The following GSTM5 variants were observed in gnomAD, a reference collection of about 807,000 sequenced individuals.
The protein encoded by GSTM5 is GST class-mu 5.
GSTM5 carries 24 observed loss-of-function variants against 29.0 expected under a neutral mutation model. The observed-to-expected ratio is 0.83, with a 90% confidence interval of 0.60 to 1.16. The LOEUF (loss-of-function observed/expected upper bound fraction) is 1.16, where lower values mean the gene tolerates loss of function less well. Among genes scored for constraint, GSTM5 ranks in the 50% most tolerant of loss-of-function variants. The probability of loss-of-function intolerance (pLI) is 0.00; values close to 1 mark genes in which losing one functional copy is unlikely to be tolerated. For synonymous variants in GSTM5, 91 were observed against 93.6 expected (o/e 0.97, Z 0.16); for missense variants, 290 against 263.0 (o/e 1.10, Z -0.71).
chr1:109,715,392 C>T (rs543616079), intron 7 of GSTM5, 152 bp downstream of exon 7: 51 of 1,566,622 alleles, frequency 3.3e-5, no homozygotes, highest in South Asian at 5.8e-5. Flanking sequence ...TTATACCTAT[C>T]GTGTAGAATT....
chr1:109,713,821 AG>A, intron 5 of GSTM5, 60 bp downstream of exon 5: 1 of 1,447,838 alleles, frequency 6.9e-7, no homozygotes, highest in Non-Finnish European at 9.6e-7. Flanking sequence ...CAGACCAGGG[AG>A]GGACTTCCAA....
Position 109,712,628 on chromosome 1 carries a change from C to T in GSTM5, c.47C>T (p.Ala16Val). ...GYWDIRGLAHAIRLLLEYTDS... is the reference protein window; with the variant it reads ...GYWDIRGLAHVIRLLLEYTDS... ...GGCCATCTCTCCCAGCTGGCCCACG[C>T]CATCCGCTTGCTCCTGGAATACACA... Residue 16 changes from alanine (A) to valine (V), a missense_variant, in exon 2 of 8, where the codon GCC becomes GTC. Ala to Val is a moderately conservative substitution (Grantham distance 64). Coordinates refer to ENST00000256593, the MANE Select transcript of GSTM5 (RefSeq NM_000851.4). The T allele has an allele frequency of 6.2e-7, 1 of 1,614,150 alleles. No homozygotes were observed. Among genetic ancestry groups the T allele is most frequent in the Non-Finnish European group, 8.5e-7 (1 of 1,180,010 alleles).
At chr1:109,716,715 T>C (rs1260171338) in intron 7 of GSTM5, 1 of 152,932 alleles carries the variant, frequency 6.5e-6, no homozygotes, top group African/African-American at 2.4e-5. Context: ...AGTCATTGGG[T>C]GAGATCTGTG....
At chr1:109,712,102 C>T (rs573460852), upstream of GSTM5, among the ~76,000 whole-genome samples, 78 of 152,280 alleles carry the variant, frequency 5.1e-4, no homozygotes, top group African/African-American at 1.3e-3. Flanking sequence ...TGACCTCGCT[C>T]CCGGAACCCT....
rs55976052 is a variant in GSTM5, at chr1:109,712,269, C to T, written c.-44C>T. ...CCTGGGCCTCTCAAAGTCTGAGCCC[C>T]GCTCCGCTGATGCCTGTCTGCAGAA... On this transcript the variant is annotated 5_prime_UTR_variant, in exon 1 of 8. Transcript: ENST00000256593. 8.1e-6 allele frequency: 13 copies of T among 1,611,814 alleles called. No individual in the cohort carries two copies. The South Asian group carries it at 1.1e-4, about 14-fold the overall frequency.
chr1:109,712,836 C>T (rs559123118), intron 2 of GSTM5, 143 bp downstream of exon 2: 63 of 1,022,424 alleles, frequency 6.2e-5, no homozygotes, highest in Admixed American at 1.3e-4. Flanking sequence ...CGTGAGTGAG[C>T]CCTCTGGCCT....
Position 109,715,240 on chromosome 1 carries a change from G to A in GSTM5, c.567G>A (p.Glu189=), listed in dbSNP as rs772712177. 3 of 1,614,188 alleles carry A rather than the reference G, an allele frequency of 1.9e-6. No homozygotes were observed. The highest frequency in any genetic ancestry group is 1.6e-4 in the Middle Eastern group (1 of 6,062). ...LNLKDFISRF[E]GLKKISAYMK... Reference sequence around the variant, plus strand: ...TGAAGGACTTCATCTCCCGCTTTGAGGTGATGCCCCCATCCTCCTTTCTCT... The same window carrying A: ...TGAAGGACTTCATCTCCCGCTTTGAAGTGATGCCCCCATCCTCCTTTCTCT... Residue 189 remains glutamate, a splice_region_variant and synonymous_variant, in exon 7 of 8, where the codon GAG becomes GAA. Transcript: ENST00000256593.
upstream of GSTM5, chr1:109,712,213 C>T (rs878870525): frequency 2.3e-6 from 3 of 1,284,230 alleles, no homozygotes; most frequent in African/African-American, 1.5e-5. Flanking sequence ...GGCCGAGGGG[C>T]GGGGTCGCAG....
intron 7 of GSTM5, 190 bp downstream of exon 7, chr1:109,715,430 A>G (rs542598739): frequency 6.5e-7 from 1 of 1,545,950 alleles, no homozygotes; most frequent in South Asian, 1.2e-5. Context: ...CTACAGGGTG[A>G]CAGAATTATC....
intron 3 of GSTM5, 71 bp downstream of exon 3, chr1:109,713,254 C>A (rs1188537745): frequency 4.4e-6 from 7 of 1,603,148 alleles, no homozygotes; most frequent in African/African-American, 1.3e-5. Flanking sequence ...CTCTCCCCAC[C>A]TTAGAGGTGT....
rs1648623630 is a variant in GSTM5, at chr1:109,713,201, G to A, written c.177+18G>A. ...TTCCCAATGTAGGTGCAGGGGAAGGGGCGGTTTTGGGGGAAAGTGCGACGT... is the reference window on the plus strand; with the variant it reads ...TTCCCAATGTAGGTGCAGGGGAAGGAGCGGTTTTGGGGGAAAGTGCGACGT... On this transcript the variant is annotated intron_variant, in intron 3 of 7. Transcript: ENST00000256593. 1 of 1,612,046 alleles carries A rather than the reference G, an allele frequency of 6.2e-7. No individual in the cohort carries two copies. Among genetic ancestry groups the A allele is most frequent in the African/African-American group, 1.3e-5 (1 of 74,884 alleles).
intron 2 of GSTM5, 122 bp downstream of exon 2, chr1:109,712,815 C>A: frequency 8.7e-7 from 1 of 1,154,498 alleles, no homozygotes; most frequent in Non-Finnish European, 1.3e-6. Flanking sequence ...GCTGTCCCTT[C>A]CCTGAGCTCC....
At chr1:109,717,230 A>T in intron 7 of GSTM5, 107 bp from the exon 8 acceptor site, 1 of 780,118 alleles carries the variant, frequency 1.3e-6, no homozygotes, top group East Asian at 2.5e-5. Flanking sequence ...ACTTGAGCCC[A>T]CATGGAAAGG....
chr1:109,716,714 G>C (rs573442917), intron 7 of GSTM5: 2 of 152,976 alleles, frequency 1.3e-5, no homozygotes, highest in South Asian at 4.1e-4. Context: ...AAGTCATTGG[G>C]TGAGATCTGT....
Position 109,713,147 on chromosome 1 carries a change from G to T in GSTM5, c.141G>T (p.Leu47=), listed in dbSNP as rs754726820. 14 of 1,612,492 alleles carry T rather than the reference G, an allele frequency of 8.7e-6. No individual in the cohort carries two copies. In the South Asian group the frequency reaches 1.5e-4, roughly 18 times the overall value. ...DAPDYDRSQW[L]NEKFKLGLDF... ...CTGACTATGACAGAAGCCAGTGGCT[G>T]AATGAAAAATTCAAGCTGGGCCTGG... The change falls in exon 3 of 8, where the codon CTG becomes CTT. Residue 47 remains leucine, a synonymous_variant. Transcript: ENST00000256593.
chr1:109,715,768 C>A (rs1648724704), intron 7 of GSTM5: 3 of 404,520 alleles, frequency 7.4e-6, no homozygotes, highest in Non-Finnish European at 1.4e-5. Context: ...CATGATCGGA[C>A]CCCCATGTGG....
chr1:109,717,449 G>T lies in GSTM5; in HGVS notation c.*23G>T. On this transcript the variant is annotated 3_prime_UTR_variant, in exon 8 of 8. Coordinates refer to ENST00000256593, the MANE Select transcript of GSTM5 (RefSeq NM_000851.4). ...TAGGGCCCAGTGATGCCAGAAGATG[G>T]GAGGGAGGAGCCAACCTTGCTGCCT... The T allele has an allele frequency of 3.2e-6, 5 of 1,574,242 alleles. No individual in the cohort carries two copies. The highest frequency in any genetic ancestry group is 4.4e-6 in the Non-Finnish European group (5 of 1,143,772).
At chr1:109,715,593 C>T in intron 7 of GSTM5, 2 of 1,149,518 alleles carry the variant, frequency 1.7e-6, no homozygotes, top group South Asian at 3.4e-5. Context: ...AAGGAGAAGC[C>T]TCAGGCCTCA....
At chr1:109,715,381 A>T (rs778342762) in intron 7 of GSTM5, 141 bp downstream of exon 7, 2 of 1,580,846 alleles carry the variant, frequency 1.3e-6, no homozygotes, top group African/African-American at 1.3e-5. Flanking sequence ...TGCCCAGCAC[A>T]TTATACCTAT....
Sources: allele counts gnomAD v4.1 joint callset (sites outside exome capture counted in the v4.1 genomes callset), GRCh38; gene constraint gnomAD v4.1.1; transcripts MANE v1.5; gene names NCBI Gene and HGNC (gene_info 2026-07-23, HGNC 2026-07-21).